Variants in TRPM3 observed in about 807,000 individuals in gnomAD.
TRPM3 encodes the protein long transient receptor potential channel 3.
TRPM3 carries 77 observed loss-of-function variants against 181.2 expected under a neutral mutation model. The observed-to-expected ratio is 0.42, with a 90% CI of 0.35 to 0.51. TRPM3 has a LOEUF of 0.51. TRPM3 is among the 20% of genes least tolerant of loss of function. The probability of loss-of-function intolerance (pLI) is 0.01; values close to 1 mark genes in which losing one functional copy is unlikely to be tolerated. For synonymous variants in TRPM3, 745 were observed against 796.4 expected (o/e 0.94, Z 1.09); for missense variants, 1,759 against 2,196.7 (o/e 0.80, Z 3.98).
chr9:71,072,344 G>C (rs1217319531), intron 1 of TRPM3, among the ~76,000 whole-genome samples: 3 of 152,104 alleles, frequency 2.0e-5, no homozygotes, highest in Non-Finnish European at 2.9e-5. Flanking sequence ...TTTTGTCTTA[G>C]ATTTGCCTAT....
chr9:71,344,450 C>CAA (rs56103104), intron 1 of TRPM3, among the ~76,000 whole-genome samples: 2 of 140,552 alleles, frequency 1.4e-5, no homozygotes, highest in Non-Finnish European at 1.6e-5. Context: ...GACTCCATCT[C>CAA]AAAAAAAAAA....
chr9:71,151,555 T>C (rs73467727), intron 1 of TRPM3, among the ~76,000 whole-genome samples: 5,945 of 152,120 alleles, frequency 0.039, 391 homozygotes, highest in African/African-American at 0.14. Context: ...TGGCCATCTT[T>C]ATTAAAAAAA....
intron 1 of TRPM3, among the ~76,000 whole-genome samples, chr9:71,340,652 A>G (rs2090899674): frequency 6.6e-6 from 1 of 152,124 alleles, no homozygotes; most frequent in South Asian, 2.1e-4. Flanking sequence ...GAAATTGCCC[A>G]GTCTTGGGTA....
chr9:71,097,465 T>C (rs1217859480), intron 1 of TRPM3, among the ~76,000 whole-genome samples: 1 of 152,156 alleles, frequency 6.6e-6, no homozygotes, highest in Non-Finnish European at 1.5e-5. Context: ...TGTGAAAATA[T>C]ACGTACATTT....
At chr9:70,566,675 A>G (rs908534467) in intron 22 of TRPM3, among the ~76,000 whole-genome samples, 2 of 152,162 alleles carry the variant, frequency 1.3e-5, no homozygotes, top group Non-Finnish European at 2.9e-5. Context: ...CAGATCCTCA[A>G]TGCCCTTACA....
At chr9:71,103,439 G>T (rs975063017) in intron 1 of TRPM3, among the ~76,000 whole-genome samples, 34 of 152,028 alleles carry the variant, frequency 2.2e-4, no homozygotes, top group African/African-American at 8.0e-4. Context: ...TACCAAGTAA[G>T]GTCTGAGATT....
chr9:71,305,286 C>G (rs1218766828), intron 1 of TRPM3, among the ~76,000 whole-genome samples: 2 of 152,188 alleles, frequency 1.3e-5, no homozygotes, highest in African/African-American at 4.8e-5. Context: ...AACCAAGATT[C>G]AGAAACCTCT....
intron 1 of TRPM3, among the ~76,000 whole-genome samples, chr9:71,195,329 G>A (rs1280783459): frequency 2.6e-5 from 4 of 151,752 alleles, no homozygotes; most frequent in African/African-American, 4.8e-5. Context: ...AAAAAAGCAG[G>A]CAGAGAACAT....
intron 1 of TRPM3, among the ~76,000 whole-genome samples, chr9:71,112,127 T>C (rs537381962): frequency 6.6e-6 from 1 of 152,256 alleles, no homozygotes; most frequent in African/African-American, 2.4e-5. Flanking sequence ...AAAGACATAT[T>C]TAGAGGATAA....
At position 70,604,264 on chromosome 9, in the gene TRPM3, G is replaced by GC. The variant is rs2060598546; in HGVS notation, c.2668-795_2668-794insG. 2.0e-5 allele frequency among the ~76,000 whole-genome samples: 3 copies of GC among 152,312 alleles called. No homozygotes were observed. The South Asian group carries it at 6.2e-4, about 32-fold the overall frequency. On this transcript the variant is annotated intron_variant, in intron 19 of 25. Coordinates refer to ENST00000677713, the MANE Select transcript of TRPM3 (RefSeq NM_001366145.2). ...TAGGGTTTGGTGACTGCTCCTGGAA[G>GC]ATTCAGTTGTGTCAAGGTGAGTGAA...
intron 1 of TRPM3, among the ~76,000 whole-genome samples, chr9:71,062,569 T>A (rs79335538): frequency 1.3e-5 from 2 of 152,140 alleles, no homozygotes; most frequent in Non-Finnish European, 2.9e-5. Context: ...CTTTTGTTTC[T>A]TTGAGCAAAT....
chr9:71,036,934 T>C (rs2058277333), intron 1 of TRPM3, among the ~76,000 whole-genome samples: 1 of 152,196 alleles, frequency 6.6e-6, no homozygotes, highest in South Asian at 2.1e-4. Context: ...GACAACCCAC[T>C]ACAACATGAT....
At chr9:71,303,628 G>C (rs1273774731) in intron 1 of TRPM3, among the ~76,000 whole-genome samples, 1 of 152,198 alleles carries the variant, frequency 6.6e-6, no homozygotes, top group Non-Finnish European at 1.5e-5. Flanking sequence ...CTGAGGGACA[G>C]AGGAGAGAAA....
chr9:71,283,939 C>T (rs1326389529), intron 1 of TRPM3, among the ~76,000 whole-genome samples: 2 of 152,184 alleles, frequency 1.3e-5, no homozygotes, highest in East Asian at 3.8e-4. Flanking sequence ...TTAATCTGTC[C>T]CACTTCCTAC....
At chr9:70,554,704 A>C (rs2047236639) in intron 22 of TRPM3, among the ~76,000 whole-genome samples, 1 of 152,164 alleles carries the variant, frequency 6.6e-6, no homozygotes, top group Non-Finnish European at 1.5e-5. Flanking sequence ...TTAGGCTGGA[A>C]AAATTATGTA....
chr9:71,332,412 T>TGTGTGTGTGTG (rs1565471555), intron 1 of TRPM3, among the ~76,000 whole-genome samples: 20 of 150,568 alleles, frequency 1.3e-4, no homozygotes, highest in South Asian at 8.4e-4. Context: ...TGTGTGTGTG[T>TGTGTGTGTGTG]TTCAGCACAG....
At chr9:71,108,192 T>G (rs568196234) in intron 1 of TRPM3, among the ~76,000 whole-genome samples, 2 of 152,220 alleles carry the variant, frequency 1.3e-5, no homozygotes, top group Non-Finnish European at 2.9e-5. Flanking sequence ...TCAGATTCTG[T>G]AGTTGAACTC....
intron 25 of TRPM3, among the ~76,000 whole-genome samples, chr9:70,545,870 T>C (rs1172332166): frequency 6.6e-6 from 1 of 152,162 alleles, no homozygotes; most frequent in African/African-American, 2.4e-5. Flanking sequence ...GAGAAAAGTC[T>C]TTTCCTGTAT....
chr9:70,942,988 G>T (rs182224539), intron 1 of TRPM3, among the ~76,000 whole-genome samples: 4 of 151,988 alleles, frequency 2.6e-5, no homozygotes, highest in Non-Finnish European at 5.9e-5. Context: ...CCTAACTGGG[G>T]TCCTGTGGTA....
Sources: gnomAD v4.1 joint callset for allele counts (sites outside exome capture counted in the v4.1 genomes callset) on GRCh38, gnomAD v4.1.1 for gene constraint, MANE v1.5 for transcripts, NCBI Gene and HGNC (gene_info 2026-07-23, HGNC 2026-07-21) for gene names.